Variants in RBFOX1 observed in about 807,000 individuals in gnomAD.
RBFOX1 encodes RNA binding protein fox-1 homolog 1.
RBFOX1 carries 8 observed loss-of-function variants against 57.7 expected under a neutral mutation model. The observed-to-expected ratio is 0.14, with a 90% CI of 0.08 to 0.25. RBFOX1 has a LOEUF of 0.25. Ranked by LOEUF, RBFOX1 falls within the 10% of genes least tolerant of loss-of-function variation. RBFOX1 has a pLI of 1.00. For synonymous variants in RBFOX1, 326 were observed against 222.4 expected, an observed-to-expected ratio of 1.47 and a Z score of -4.15; for missense variants, 611 against 548.5, an observed-to-expected ratio of 1.11 and a Z score of -1.14.
At chr16:5,570,753 T>C (rs969701769) in intron 2 of RBFOX1, among the ~76,000 whole-genome samples, 19 of 151,738 alleles carry the variant, frequency 1.3e-4, no homozygotes, top group African/African-American at 4.4e-4. Context: ...GGCATGAGAA[T>C]TGCTTGAACC....
chr16:7,681,471 C>T (rs1379841857), intron 14 of RBFOX1, among the ~76,000 whole-genome samples: 1 of 152,100 alleles, frequency 6.6e-6, no homozygotes, highest in African/African-American at 2.4e-5. Context: ...TAGAATTTTT[C>T]TGGCCTCAGA....
At chr16:5,682,989 T>C (rs953604825) in intron 3 of RBFOX1, among the ~76,000 whole-genome samples, 31 of 152,286 alleles carry the variant, frequency 2.0e-4, no homozygotes, top group Admixed American at 8.5e-4. Flanking sequence ...TTCTTTAACC[T>C]CTCTGAACCT....
At chr16:7,685,444 G>A (rs2075861357) in intron 14 of RBFOX1, among the ~76,000 whole-genome samples, 1 of 152,030 alleles carries the variant, frequency 6.6e-6, no homozygotes, top group African/African-American at 2.4e-5. Flanking sequence ...GTCATTAATT[G>A]CATAGATTCA....
chr16:6,640,601 C>G (rs12934616), intron 2 of RBFOX1, among the ~76,000 whole-genome samples: 9,554 of 151,444 alleles, frequency 0.063, 397 homozygotes, highest in Non-Finnish European at 0.091. Flanking sequence ...GAGTAAGACT[C>G]CATTGCCAAA....
intron 2 of RBFOX1, among the ~76,000 whole-genome samples, chr16:6,423,509 G>T (rs1435470952): frequency 9.9e-5 from 15 of 152,198 alleles, no homozygotes; most frequent in Non-Finnish European, 2.2e-4. Flanking sequence ...TGAGGTGAGA[G>T]AATTGCTCGA....
intron 2 of RBFOX1, among the ~76,000 whole-genome samples, chr16:6,653,851 G>C (rs1297189723): frequency 6.6e-6 from 1 of 151,560 alleles, no homozygotes; most frequent in Non-Finnish European, 1.5e-5. Flanking sequence ...TGATTGGATA[G>C]ATGGGGATGG....
At chr16:5,938,062 T>A (rs1189537147) in intron 4 of RBFOX1, among the ~76,000 whole-genome samples, 42 of 152,214 alleles carry the variant, frequency 2.8e-4, no homozygotes, top group Non-Finnish European at 2.9e-5. Context: ...ATTTATTTTT[T>A]GCTAACATTC....
At chr16:6,283,601 T>C (rs763949538) in intron 1 of RBFOX1, among the ~76,000 whole-genome samples, 6 of 152,058 alleles carry the variant, frequency 3.9e-5, no homozygotes, top group Non-Finnish European at 8.8e-5. Context: ...GAGTGAAAAA[T>C]GGGAAAGGAT....
chr16:6,291,448 C>T (rs377538757), intron 1 of RBFOX1, among the ~76,000 whole-genome samples: 220 of 152,274 alleles, frequency 1.4e-3, no homozygotes, highest in African/African-American at 5.1e-3. Context: ...TACTTTCTTT[C>T]TTCCCTTTGT....
At chr16:5,255,945 T>C (rs2151088456) in intron 1 of RBFOX1, among the ~76,000 whole-genome samples, 1 of 151,988 alleles carries the variant, frequency 6.6e-6, no homozygotes, top group South Asian at 2.1e-4. Flanking sequence ...GCTTCTAGTC[T>C]TGCAGATATA....
intron 3 of RBFOX1, among the ~76,000 whole-genome samples, chr16:6,984,085 TA>T (rs1207389779): frequency 1.3e-5 from 2 of 152,100 alleles, no homozygotes; most frequent in Non-Finnish European, 2.9e-5. Context: ...CTGTCTCTAC[TA>T]AAAATACGAA....
At chr16:5,366,661 G>A in intron 1 of RBFOX1, 7 of 428,796 alleles carry the variant, frequency 1.6e-5, no homozygotes, top group South Asian at 1.1e-4. Context: ...GGCTATTCCC[G>A]ATCTCTGGCA....
intron 4 of RBFOX1, among the ~76,000 whole-genome samples, chr16:5,897,411 G>A (rs986654749): frequency 6.6e-6 from 1 of 152,030 alleles, no homozygotes; most frequent in Non-Finnish European, 1.5e-5. Context: ...CTCCTTAAAG[G>A]GTCTTACATA....
chr16:6,106,535 A>T (rs1241022344), intron 1 of RBFOX1, among the ~76,000 whole-genome samples: 1 of 152,038 alleles, frequency 6.6e-6, no homozygotes, highest in East Asian at 1.9e-4. Flanking sequence ...TTAGCACATA[A>T]AAATGGGTTG....
At chr16:5,304,630 C>T (rs181599973) in intron 1 of RBFOX1, among the ~76,000 whole-genome samples, 1 of 152,252 alleles carries the variant, frequency 6.6e-6, no homozygotes. Context: ...ATCCTGGGGA[C>T]ATTAGTAGTG....
At chr16:6,339,217 A>G (rs993990491) in intron 2 of RBFOX1, among the ~76,000 whole-genome samples, 9 of 152,202 alleles carry the variant, frequency 5.9e-5, no homozygotes, top group Admixed American at 4.6e-4. Context: ...GATTTCCACA[A>G]TTGAGGAGTG....
At position 7,094,744 on chromosome 16, in the gene RBFOX1, C is replaced by CTGTGTGTGTGTGTGTGTGTGTG. The variant is rs370249382; in HGVS notation, c.27+42657_27+42678dup. ...ACTGAAATAAGGGCAGACTGTACAG[C>CTGTGTGTGTGTGTGTGTGTGTG]TGTGTGTGTGTGTGTGTGTGTGTGT... On this transcript the variant is annotated intron_variant, in intron 4 of 15. Coordinates refer to ENST00000550418, the MANE Select transcript of RBFOX1 (RefSeq NM_018723.4). 1.5e-4 allele frequency among the ~76,000 whole-genome samples: 21 copies of CTGTGTGTGTGTGTGTGTGTGTG among 139,436 alleles called. No individual in the cohort carries two copies. In the South Asian group the frequency reaches 2.3e-3, roughly 15 times the overall value. The allele number at this position is 139,436 out of a possible 152,430, so 91.5% of individuals were successfully genotyped here. A position where few individuals can be genotyped will look rare whatever the true frequency, so the allele number is the denominator to read the frequency against.
At chr16:6,979,493 T>C (rs1047190438) in intron 3 of RBFOX1, among the ~76,000 whole-genome samples, 1 of 152,154 alleles carries the variant, frequency 6.6e-6, no homozygotes, top group African/African-American at 2.4e-5. Flanking sequence ...TTCTATTGAT[T>C]GAAGGGCTGT....
chr16:6,294,874 C>T (rs950046174), intron 1 of RBFOX1, among the ~76,000 whole-genome samples: 1 of 151,990 alleles, frequency 6.6e-6, no homozygotes, highest in Non-Finnish European at 1.5e-5. Flanking sequence ...ACACCGTTCC[C>T]TATCATTTAA....
Sources: allele counts gnomAD v4.1 joint callset (sites outside exome capture counted in the v4.1 genomes callset), GRCh38; gene constraint gnomAD v4.1.1; transcripts MANE v1.5; gene names NCBI Gene and HGNC (gene_info 2026-07-23, HGNC 2026-07-21).